PAK1IP1: variants seen among roughly 807,000 people sequenced by gnomAD.
PAK1IP1 encodes the protein PAK1 interacting protein 1, also known as p21-activated protein kinase-interacting protein 1.
In PAK1IP1, 24 loss-of-function variants were observed where a neutral mutation model predicts 42.0. The ratio of observed to expected loss-of-function variants is 0.57; its 90% CI spans 0.41 to 0.80. PAK1IP1 has a LOEUF of 0.80. Ranked by LOEUF, PAK1IP1 falls within the 30% of genes least tolerant of loss-of-function variation. PAK1IP1 has a pLI of 0.00. For synonymous variants in PAK1IP1, 154 were observed against 156.7 expected (o/e 0.98, Z 0.13); for missense variants, 411 against 467.9 (o/e 0.88, Z 1.12).
chr6:10,691,371 T>G (rs1769285209), upstream of PAK1IP1, among the ~76,000 whole-genome samples: 2 of 151,898 alleles, frequency 1.3e-5, no homozygotes, highest in Non-Finnish European at 2.9e-5. Context: ...GAGGTCCGTG[T>G]GAGAGGGTCG....
intron 7 of PAK1IP1, among the ~76,000 whole-genome samples, chr6:10,707,047 G>C (rs1770224754): frequency 6.6e-6 from 1 of 152,216 alleles, no homozygotes; most frequent in Non-Finnish European, 1.5e-5. Context: ...GGATGTGTGG[G>C]AGAGGCCTGG....
rs767001220 is a variant in PAK1IP1, at chr6:10,709,465, T to G, written c.*13T>G. The stretch of plus-strand genomic sequence containing the variant: ...AACAATGCAGTGAATCACAGATGTC[T>G]CCTGAAAGAACTCTTTTAGATGAAA... On this transcript the variant is annotated 3_prime_UTR_variant, in exon 10 of 10. Transcript: ENST00000379568. 6.4e-6 allele frequency: 10 copies of G among 1,553,748 alleles called. No individual in the cohort carries two copies. The highest frequency in any genetic ancestry group is 8.8e-6 in the Non-Finnish European group (10 of 1,135,954).
At chr6:10,705,537 CTG>C (rs1262152351) in intron 7 of PAK1IP1, among the ~76,000 whole-genome samples, 1,967 of 151,872 alleles carry the variant, frequency 0.013, 46 homozygotes, top group African/African-American at 0.044. Flanking sequence ...ATTTTTTTTC[CTG>C]CAGGAGAAGT....
At chr6:10,697,545 C>A (rs777490304) in intron 2 of PAK1IP1, 59 bp downstream of exon 2, 20 of 1,232,354 alleles carry the variant, frequency 1.6e-5, no homozygotes, top group Non-Finnish European at 2.1e-5. Flanking sequence ...AATTTGACTT[C>A]AGTTGAACAA....
chr6:10,695,131 T>C, intron 1 of PAK1IP1, 62 bp downstream of exon 1: 1 of 1,041,644 alleles, frequency 9.6e-7, no homozygotes, highest in Admixed American at 1.7e-5. Flanking sequence ...GTTTGGTTCC[T>C]ACACAGCAGA....
At chr6:10,707,701 T>C (rs547920547) in intron 8 of PAK1IP1, among the ~76,000 whole-genome samples, 187 bp downstream of exon 8, 1 of 152,330 alleles carries the variant, frequency 6.6e-6, no homozygotes, top group African/African-American at 2.4e-5. Context: ...CATTTCTGAG[T>C]GTGAGCTGGT....
At chr6:10,701,549 A>G (rs915778639) in intron 2 of PAK1IP1, among the ~76,000 whole-genome samples, 4 of 152,248 alleles carry the variant, frequency 2.6e-5, no homozygotes, top group African/African-American at 9.6e-5. Flanking sequence ...TGGGAAACCA[A>G]ACTTTCCAAA....
intron 7 of PAK1IP1, among the ~76,000 whole-genome samples, chr6:10,705,682 G>A (rs1009177454): frequency 6.6e-6 from 1 of 152,208 alleles, no homozygotes; most frequent in Non-Finnish European, 1.5e-5. Flanking sequence ...TAGTGGAGCT[G>A]AGAGCTGAAC....
upstream of PAK1IP1, among the ~76,000 whole-genome samples, chr6:10,691,106 C>A (rs1769255946): frequency 6.6e-6 from 1 of 152,182 alleles, no homozygotes; most frequent in East Asian, 1.9e-4. Context: ...AAAGTCACTT[C>A]TCCAGACATA....
At chr6:10,702,951 C>T (rs1445500508) in intron 4 of PAK1IP1, among the ~76,000 whole-genome samples, 2 of 152,096 alleles carry the variant, frequency 1.3e-5, no homozygotes, top group Non-Finnish European at 2.9e-5. Context: ...GAACTACAGG[C>T]GCCCACCACC....
chr6:10,707,158 A>G (rs1297324931), intron 7 of PAK1IP1, among the ~76,000 whole-genome samples: 1 of 152,050 alleles, frequency 6.6e-6, no homozygotes, highest in East Asian at 1.9e-4. Flanking sequence ...TGATAACCTG[A>G]TTATTTATAG....
intron 2 of PAK1IP1, 100 bp from the exon 3 acceptor site, chr6:10,702,269 G>A (rs1770050165): frequency 5.6e-6 from 5 of 900,312 alleles, no homozygotes; most frequent in Non-Finnish European, 8.5e-6. Context: ...AAGAAAAAAA[G>A]GTATTGAGTG....
upstream of PAK1IP1, among the ~76,000 whole-genome samples, chr6:10,691,928 C>T (rs1369140943): frequency 6.6e-6 from 1 of 151,982 alleles, no homozygotes; most frequent in African/African-American, 2.4e-5. Context: ...TTCTAAAATT[C>T]CTGGTTGGAA....
intron 5 of PAK1IP1, among the ~76,000 whole-genome samples, chr6:10,704,033 T>C (rs1477983694): frequency 6.6e-6 from 1 of 152,110 alleles, no homozygotes; most frequent in African/African-American, 2.4e-5. Context: ...TATTTTATTT[T>C]ATTTTTTGAG....
At chr6:10,694,614 G>A (rs1032033701), upstream of PAK1IP1, 3 of 199,142 alleles carry the variant, frequency 1.5e-5, no homozygotes, top group Non-Finnish European at 3.2e-5. Context: ...CCGGCCGGAA[G>A]TCGGCCCCAC....
upstream of PAK1IP1, among the ~76,000 whole-genome samples, chr6:10,692,700 G>A (rs1403221383): frequency 6.6e-6 from 1 of 152,166 alleles, no homozygotes; most frequent in Non-Finnish European, 1.5e-5. Flanking sequence ...TTACAGGCAT[G>A]CGTGAGCCAC....
intron 4 of PAK1IP1, 105 bp from the exon 5 acceptor site, chr6:10,703,300 C>T (rs1770095134): frequency 1.3e-6 from 1 of 762,556 alleles, no homozygotes; most frequent in African/African-American, 1.8e-5. Context: ...TTCTAAATAG[C>T]CAATATTTAG....
intron 5 of PAK1IP1, 140 bp from the exon 6 acceptor site, chr6:10,704,367 G>T: frequency 3.3e-6 from 2 of 610,548 alleles, no homozygotes; most frequent in Non-Finnish European, 5.6e-6. Flanking sequence ...TAAAAAACTT[G>T]ACTTGTAAAA....
At chr6:10,698,452 GA>G (rs879284520) in intron 2 of PAK1IP1, among the ~76,000 whole-genome samples, 19 of 152,356 alleles carry the variant, frequency 1.2e-4, no homozygotes, top group Non-Finnish European at 2.4e-4. Flanking sequence ...CCTGGGCCTA[GA>G]GCCCATGCTT....
Sources: gnomAD v4.1 joint callset for allele counts (sites outside exome capture counted in the v4.1 genomes callset) on GRCh38, gnomAD v4.1.1 for gene constraint, MANE v1.5 for transcripts, NCBI Gene and HGNC (gene_info 2026-07-23, HGNC 2026-07-21) for gene names.